INHBC: variants seen among roughly 807,000 people sequenced by gnomAD.
INHBC encodes the protein inhibin beta C chain.
Under a neutral mutation model 12.4 loss-of-function variants are expected in INHBC, and 10 were observed. That is an observed-to-expected ratio of 0.81 (90% CI 0.50 to 1.37). INHBC has a LOEUF of 1.37. INHBC is among the 40% of genes most tolerant of loss of function. The pLI is 0.00. For synonymous variants in INHBC, 147 were observed against 171.6 expected, an observed-to-expected ratio of 0.86 and a Z score of 1.12; for missense variants, 382 against 439.4, an observed-to-expected ratio of 0.87 and a Z score of 1.17.
intron 1 of INHBC, among the ~76,000 whole-genome samples, chr12:57,435,848 T>C (rs1233914304): frequency 2.9e-5 from 4 of 135,734 alleles, no homozygotes; most frequent in East Asian, 2.0e-4. Context: ...AGCAAGACCC[T>C]TTTTTTTTTT....
chr12:57,449,839 C>G lies in INHBC; in HGVS notation c.876C>G (p.Ala292=). The change falls in exon 2 of 2, where the codon GCC becomes GCG. Residue 292 remains alanine (A), a synonymous_variant. Transcript: ENST00000309668. ...TAGCAGGCATGCCTGGTATTGCTGC[C>G]TCCTTTCACACTGCAGTGCTCAATC... ...LHIAGMPGIA[A]SFHTAVLNLL... is the part of the protein sequence containing the mutation. The G allele has an allele frequency of 1.2e-6, 2 of 1,612,686 alleles. No individual in the cohort carries two copies. The highest frequency in any genetic ancestry group is 1.7e-6 in the Non-Finnish European group (2 of 1,179,148).
chr12:57,442,606 G>A (rs746365331), intron 1 of INHBC, among the ~76,000 whole-genome samples: 2 of 152,184 alleles, frequency 1.3e-5, no homozygotes, highest in South Asian at 2.1e-4. Flanking sequence ...GGAGGCAGAA[G>A]TAGTAGATCC....
chr12:57,449,574 AG>A lies in INHBC; in HGVS notation c.613del (p.Val205Ter). 2 of 1,614,256 alleles carry A rather than the reference AG, an allele frequency of 1.2e-6. No homozygotes were observed. Among genetic ancestry groups the A allele is most frequent in the Non-Finnish European group, 1.7e-6 (2 of 1,180,046 alleles). On this transcript the variant is annotated frameshift_variant, in exon 2 of 2. Transcript: ENST00000309668. LOFTEE classifies it high-confidence loss of function. ...HLTLELVLEG[Q>X]VAQSSVILGG... Reference sequence around the variant, plus strand: ...ACCCTGGAGCTGGTACTTGAAGGCCAGGTAGCCCAGAGCTCAGTCATCCTGG... The same window carrying A: ...ACCCTGGAGCTGGTACTTGAAGGCCAGTAGCCCAGAGCTCAGTCATCCTGG...
At chr12:57,447,216 G>A (rs868681683) in intron 1 of INHBC, among the ~76,000 whole-genome samples, 6 of 151,428 alleles carry the variant, frequency 4.0e-5, no homozygotes, top group African/African-American at 1.5e-4. Flanking sequence ...GCGGAGCCTC[G>A]CTCTGTCTCT....
Position 57,441,839 on chromosome 12 carries a change from G to A in INHBC, c.313+6640G>A, listed in dbSNP as rs534645640. Reference sequence around the variant, plus strand: ...TGGGATTATAGGTGCCCGCCACCATGCCTGGCTTTTTTTGTATTTTTAGTA... The same window carrying A: ...TGGGATTATAGGTGCCCGCCACCATACCTGGCTTTTTTTGTATTTTTAGTA... On this transcript the variant is annotated intron_variant, in intron 1 of 1. Transcript: ENST00000309668. Among the ~76,000 whole-genome samples the A allele has an allele frequency of 9.3e-4, 142 of 152,140 alleles. 1 individual carries two copies. The highest frequency in any genetic ancestry group is 3.3e-3 in the African/African-American group (136 of 41,534).
At chr12:57,435,351 AC>A (rs1870311838) in intron 1 of INHBC, 152 bp downstream of exon 1, 2 of 720,252 alleles carry the variant, frequency 2.8e-6, no homozygotes, top group Non-Finnish European at 4.5e-6. Context: ...TGTCCCGACA[AC>A]CCCCACATCC....
At chr12:57,437,669 TC>T (rs1870372647) in intron 1 of INHBC, among the ~76,000 whole-genome samples, 2 of 87,414 alleles carry the variant, frequency 2.3e-5, no homozygotes, top group African/African-American at 7.2e-5. Context: ...ACACTCCGTC[TC>T]AAAAAAAAAA....
intron 1 of INHBC, among the ~76,000 whole-genome samples, chr12:57,445,715 C>G (rs960246747): frequency 4.9e-5 from 7 of 142,872 alleles, no homozygotes; most frequent in Admixed American, 7.0e-5. Flanking sequence ...ATAGTGAGAC[C>G]CCCCGCCCAT....
intron 1 of INHBC, among the ~76,000 whole-genome samples, chr12:57,445,286 C>G (rs977689296): frequency 6.6e-6 from 1 of 152,146 alleles, no homozygotes; most frequent in African/African-American, 2.4e-5. Flanking sequence ...GAAGATAAAA[C>G]TAATCAGATT....
chr12:57,444,822 T>A (rs897012275), intron 1 of INHBC, among the ~76,000 whole-genome samples: 1 of 151,976 alleles, frequency 6.6e-6, no homozygotes, highest in Non-Finnish European at 1.5e-5. Context: ...TGTTCCTCCA[T>A]GCCCAGCTAT....
At chr12:57,439,557 T>C (rs540892953) in intron 1 of INHBC, among the ~76,000 whole-genome samples, 3 of 152,336 alleles carry the variant, frequency 2.0e-5, no homozygotes, top group South Asian at 2.1e-4. Flanking sequence ...CCTTTTTATT[T>C]TGAATTGTCC....
intron 1 of INHBC, among the ~76,000 whole-genome samples, chr12:57,439,192 C>T (rs946361505): frequency 6.6e-6 from 1 of 152,228 alleles, no homozygotes; most frequent in Non-Finnish European, 1.5e-5. Context: ...ACGCACTTAA[C>T]ATACAATGCT....
chr12:57,435,212 T>G lies in INHBC; in HGVS notation c.313+13T>G, dbSNP rs926649646. ...TTTGCTGAGACAGGTGGGTTCCTGA[T>G]CTGTAGCTCTTCCCCAGAACTTGAC... On this transcript the variant is annotated intron_variant, in intron 1 of 1. Coordinates refer to ENST00000309668, the MANE Select transcript of INHBC (RefSeq NM_005538.4). The G allele has an allele frequency of 6.3e-7, 1 of 1,595,762 alleles. No homozygotes were observed. The highest frequency in any genetic ancestry group is 8.6e-7 in the Non-Finnish European group (1 of 1,167,362).
chr12:57,440,539 G>A (rs991849380), intron 1 of INHBC, among the ~76,000 whole-genome samples: 1 of 151,898 alleles, frequency 6.6e-6, no homozygotes, highest in Non-Finnish European at 1.5e-5. Flanking sequence ...CAGCATGTTA[G>A]CTCGGATGGT....
chr12:57,440,469 A>G (rs1415263880), intron 1 of INHBC, among the ~76,000 whole-genome samples: 1 of 151,058 alleles, frequency 6.6e-6, no homozygotes, highest in African/African-American at 2.4e-5. Flanking sequence ...AGTAGCTGGG[A>G]CTACAGGTGC....
At chr12:57,438,334 A>C (rs549649275) in intron 1 of INHBC, among the ~76,000 whole-genome samples, 33 of 152,272 alleles carry the variant, frequency 2.2e-4, no homozygotes, top group African/African-American at 7.7e-4. Context: ...GACAAGGCAA[A>C]TCTCTGGAAA....
intron 1 of INHBC, among the ~76,000 whole-genome samples, chr12:57,440,530 A>G (rs1278884881): frequency 6.6e-6 from 1 of 151,976 alleles, no homozygotes; most frequent in Non-Finnish European, 1.5e-5. Context: ...ATGGGTTTTC[A>G]GCATGTTAGC....
At chr12:57,447,895 ATATATATATAT>A (rs1566551426) in intron 1 of INHBC, among the ~76,000 whole-genome samples, 19 of 71,758 alleles carry the variant, frequency 2.6e-4, no homozygotes, top group African/African-American at 4.4e-4. Context: ...AAAAAAAAAT[ATATATATATAT>A]ATATATATAT....
intron 1 of INHBC, among the ~76,000 whole-genome samples, chr12:57,448,315 A>G (rs1045142818): frequency 6.6e-6 from 1 of 152,112 alleles, no homozygotes. Context: ...TCACGCCTGT[A>G]ATCCCAGCAC....
Sources: gnomAD v4.1 joint callset for allele counts (sites outside exome capture counted in the v4.1 genomes callset) on GRCh38, gnomAD v4.1.1 for gene constraint, MANE v1.5 for transcripts, NCBI Gene and HGNC (gene_info 2026-07-23, HGNC 2026-07-21) for gene names.